FBXO25: variants seen among roughly 807,000 people sequenced by gnomAD.
The protein encoded by FBXO25 is F-box only protein 25.
In FBXO25, 45 loss-of-function variants were observed where a neutral mutation model predicts 51.9. The ratio of observed to expected loss-of-function variants is 0.87; its 90% CI spans 0.68 to 1.11. The LOEUF is 1.11. Among genes scored for constraint, FBXO25 ranks in the 50% most tolerant of loss-of-function variants. The pLI, the probability that FBXO25 is intolerant of heterozygous loss-of-function variation, is 0.00. For missense variants in FBXO25, 507 were observed against 428.5 expected (o/e 1.18, Z -1.62); for synonymous variants, 199 against 151.0 (o/e 1.32, Z -2.33).
chr8:467,827 C>G (rs773369441), intron 9 of FBXO25: 82 of 1,601,068 alleles, frequency 5.1e-5, no homozygotes, highest in Non-Finnish European at 4.3e-6. Context: ...GTCATCTTGG[C>G]CACTGCCCGG....
chr8:467,731 T>A, intron 9 of FBXO25: 1 of 1,614,104 alleles, frequency 6.2e-7, no homozygotes, highest in Non-Finnish European at 8.5e-7. Flanking sequence ...ACTACCATCT[T>A]GCTTTACTAT....
Position 476,414 on chromosome 8 carries a change from G to A in FBXO25, c.*7610G>A. On this transcript the variant is annotated 3_prime_UTR_variant, in exon 10 of 10. Coordinates refer to ENST00000350302, the MANE Select transcript of FBXO25 (RefSeq NM_183420.2). ...ATTTGGAAGTGTCCTTTCCTCTTCA[G>A]TTTTTTGGAAGAGTTTGAGGAGAAT... The A allele has an allele frequency of 6.6e-6, 1 of 152,138 alleles. No individual in the cohort carries two copies. Among genetic ancestry groups the A allele is most frequent in the Non-Finnish European group, 1.5e-5 (1 of 68,004 alleles). The allele number at this position is 152,138 out of a possible 1,614,324, so 9.4% of individuals were successfully genotyped here.
Position 469,403 on chromosome 8 carries a change from C to CAGA in FBXO25, c.*599_*600insAGA. The CAGA allele has an allele frequency of 6.6e-6, 1 of 152,572 alleles. No individual in the cohort carries two copies. The highest frequency in any genetic ancestry group is 1.5e-5 in the Non-Finnish European group (1 of 68,268). 9.5% of individuals were successfully genotyped at this position (152,572 alleles called of 1,614,324 possible). The stretch of plus-strand genomic sequence containing the variant: ...GCAGCCCAACAACGGGCAGTGGTCT[C>CAGA]TGTGCTCCTAGGCATCCAGCACAGG... On this transcript the variant is annotated 3_prime_UTR_variant, in exon 10 of 10. Transcript: ENST00000350302.
intron 8 of FBXO25, among the ~76,000 whole-genome samples, chr8:460,042 G>T (rs1161322325): frequency 6.6e-6 from 1 of 152,070 alleles, no homozygotes; most frequent in Non-Finnish European, 1.5e-5. Context: ...GGGGGAGGGG[G>T]TGGATAGAAT....
intron 7 of FBXO25, among the ~76,000 whole-genome samples, chr8:457,844 G>C (rs1799551067): frequency 6.6e-6 from 1 of 152,220 alleles, no homozygotes; most frequent in Non-Finnish European, 1.5e-5. Context: ...ACCCCACAAA[G>C]CTAGAAGGAG....
chr8:436,456 A>G (rs1437461406), intron 5 of FBXO25, among the ~76,000 whole-genome samples: 1 of 152,226 alleles, frequency 6.6e-6, no homozygotes, highest in Non-Finnish European at 1.5e-5. Context: ...AGGGAGTTAA[A>G]TAATTGTAAG....
chr8:462,866 C>G lies in FBXO25; in HGVS notation c.844-141C>G, dbSNP rs528661756. 1.2e-4 allele frequency: 123 copies of G among 991,012 alleles called. No individual in the cohort carries two copies. In the African/African-American group the frequency reaches 1.9e-3, roughly 16 times the overall value. The allele number at this position is 991,012 out of a possible 1,614,324, so 61.4% of individuals were successfully genotyped here. A position where few individuals can be genotyped will look rare whatever the true frequency, so the allele number is the denominator to read the frequency against. ...GCACTGTACAATTCATCCATGTAAC[C>G]AAAACCCACTTGTAACCCTAAAGCT... is the stretch of plus-strand genomic sequence containing the variant. On this transcript the variant is annotated intron_variant, in intron 8 of 9. Coordinates refer to ENST00000350302, the MANE Select transcript of FBXO25 (RefSeq NM_183420.2).
chr8:467,766 C>A (rs753248273), intron 9 of FBXO25: 1 of 1,613,632 alleles, frequency 6.2e-7, no homozygotes, highest in Non-Finnish European at 8.5e-7. Context: ...TGTCTTGCCA[C>A]ACATCCTGTG....
At chr8:455,626 G>C (rs1397640706) in intron 7 of FBXO25, among the ~76,000 whole-genome samples, 3 of 152,204 alleles carry the variant, frequency 2.0e-5, no homozygotes, top group African/African-American at 7.2e-5. Flanking sequence ...ACAAGTTTCT[G>C]TTAGCAGAAG....
intron 2 of FBXO25, among the ~76,000 whole-genome samples, chr8:422,333 C>T (rs1290828991): frequency 6.6e-6 from 1 of 152,220 alleles, no homozygotes; most frequent in Admixed American, 6.5e-5. Flanking sequence ...CAGGAGAAAA[C>T]AGCAGACAAA....
At chr8:442,321 T>C (rs1457593286) in intron 5 of FBXO25, among the ~76,000 whole-genome samples, 1 of 152,038 alleles carries the variant, frequency 6.6e-6, no homozygotes, top group African/African-American at 2.4e-5. Context: ...AACTCCTTCA[T>C]AAGTTCTACT....
Position 458,362 on chromosome 8 carries a change from C to A in FBXO25, c.661-7C>A. ...CTCAGTGAGTTGCTGTTGTGTTTTC[C>A]TTTCAGCAAGTGAACAATGGCCTCA... On this transcript the variant is annotated splice_polypyrimidine_tract_variant and splice_region_variant and intron_variant, in intron 7 of 9. Coordinates refer to ENST00000350302, the MANE Select transcript of FBXO25 (RefSeq NM_183420.2). The A allele has an allele frequency of 3.7e-6, 6 of 1,611,370 alleles. No homozygotes were observed. Among genetic ancestry groups the A allele is most frequent in the Non-Finnish European group, 5.1e-6 (6 of 1,178,564 alleles).
chr8:461,119 C>T (rs1323807733), intron 8 of FBXO25, among the ~76,000 whole-genome samples: 2 of 152,172 alleles, frequency 1.3e-5, no homozygotes, highest in African/African-American at 2.4e-5. Flanking sequence ...CAAACATACA[C>T]ATTAATTTCG....
chr8:458,143 G>T, intron 7 of FBXO25, among the ~76,000 whole-genome samples: 1 of 152,220 alleles, frequency 6.6e-6, no homozygotes, highest in East Asian at 1.9e-4. Flanking sequence ...GCCTCACCCA[G>T]GAACAGCCTG....
intron 5 of FBXO25, among the ~76,000 whole-genome samples, chr8:442,013 T>C (rs1294891278): frequency 3.3e-5 from 5 of 152,182 alleles, no homozygotes; most frequent in Non-Finnish European, 5.9e-5. Context: ...CATTATAAAA[T>C]AATGACCTGG....
intron 2 of FBXO25, among the ~76,000 whole-genome samples, chr8:416,822 C>G (rs1489829433): frequency 6.6e-6 from 1 of 152,190 alleles, no homozygotes; most frequent in African/African-American, 2.4e-5. Flanking sequence ...AAACCCATTT[C>G]TGATGGAGCT....
At chr8:467,649 A>C in intron 9 of FBXO25, 2 of 1,489,566 alleles carry the variant, frequency 1.3e-6, no homozygotes, top group Non-Finnish European at 1.9e-6. Context: ...GGCTCTTTCT[A>C]ATCTTAACTT....
intron 7 of FBXO25, among the ~76,000 whole-genome samples, chr8:452,225 T>C (rs970104396): frequency 6.6e-5 from 10 of 152,218 alleles, no homozygotes; most frequent in Admixed American, 5.2e-4. Flanking sequence ...AATATGGGAT[T>C]TACAAAAAGA....
chr8:442,349 A>C (rs2116660452), intron 5 of FBXO25, among the ~76,000 whole-genome samples: 1 of 152,284 alleles, frequency 6.6e-6, no homozygotes. Context: ...GGAACTATTA[A>C]GATACTCTAA....
Sources: allele counts gnomAD v4.1 joint callset (sites outside exome capture counted in the v4.1 genomes callset), GRCh38; gene constraint gnomAD v4.1.1; transcripts MANE v1.5; gene names NCBI Gene and HGNC (gene_info 2026-07-23, HGNC 2026-07-21).